METTL15: variants seen among roughly 807,000 people sequenced by gnomAD.
METTL15 encodes methyltransferase 15, mitochondrial 12S rRNA N4-cytidine.
Under a neutral mutation model 38.3 loss-of-function variants are expected in METTL15, and 34 were observed. The observed-to-expected ratio is 0.89, with a 90% CI of 0.68 to 1.18. The LOEUF (loss-of-function observed/expected upper bound fraction) is 1.18, where lower values mean the gene tolerates loss of function less well. METTL15 is among the 50% of genes most tolerant of loss of function. The pLI, the probability that METTL15 is intolerant of heterozygous loss-of-function variation, is 0.00. For missense variants in METTL15, 438 were observed against 498.4 expected (o/e 0.88, Z 1.15); for synonymous variants, 162 against 170.9 (o/e 0.95, Z 0.41).
At chr11:28,441,214 A>G (rs1851032156) in intron 6 of METTL15, among the ~76,000 whole-genome samples, 1 of 151,804 alleles carries the variant, frequency 6.6e-6, no homozygotes, top group South Asian at 2.1e-4. Flanking sequence ...CCTCCGGAGT[A>G]GCTGGGGCTA....
intron 4 of METTL15, among the ~76,000 whole-genome samples, chr11:28,269,399 A>T (rs568003855): frequency 6.6e-6 from 1 of 152,154 alleles, no homozygotes; most frequent in East Asian, 1.9e-4. Flanking sequence ...ATATTTAAAT[A>T]TAGGTTTATA....
intron 6 of METTL15, among the ~76,000 whole-genome samples, chr11:28,460,747 T>TTTTG (rs1382055473): frequency 4.1e-4 from 63 of 152,160 alleles, no homozygotes; most frequent in African/African-American, 1.5e-3. Flanking sequence ...AGTGAGGGGC[T>TTTTG]AAATATTTGA....
intron 5 of METTL15, among the ~76,000 whole-genome samples, chr11:28,405,901 A>G (rs1171677461): frequency 6.6e-6 from 1 of 152,166 alleles, no homozygotes; most frequent in African/African-American, 2.4e-5. Flanking sequence ...TTTGTTGAAG[A>G]AAGATCAGAT....
chr11:28,438,672 C>CTTT (rs1171439330), intron 6 of METTL15, among the ~76,000 whole-genome samples: 48 of 128,218 alleles, frequency 3.7e-4, no homozygotes, highest in African/African-American at 7.3e-4. Context: ...TTTCTTTTTT[C>CTTT]TTTTTTTTTT....
At chr11:28,139,938 T>C (rs1282516490) in intron 3 of METTL15, among the ~76,000 whole-genome samples, 1 of 138,776 alleles carries the variant, frequency 7.2e-6, no homozygotes, top group African/African-American at 2.7e-5. Flanking sequence ...TCCCTCCTTT[T>C]GCCTAGGCCA....
rs903675701 is a variant in METTL15, at chr11:28,217,655, T to A, written c.407+6457T>A. Among the ~76,000 whole-genome samples, 15 of 152,148 alleles carry A rather than the reference T, an allele frequency of 9.9e-5. No individual in the cohort carries two copies. The East Asian group carries it at 1.5e-3, about 16-fold the overall frequency. ...ACCCATGCCTATGTCCTGAATGGTA[T>A]TGCCTAGGTTTTCTTCTAGGGTTTT... On this transcript the variant is annotated intron_variant, in intron 4 of 6. Coordinates refer to ENST00000407364, the MANE Select transcript of METTL15 (RefSeq NM_001113528.2).
At chr11:28,273,317 A>C (rs1037020538) in intron 4 of METTL15, among the ~76,000 whole-genome samples, 2 of 152,174 alleles carry the variant, frequency 1.3e-5, no homozygotes, top group African/African-American at 4.8e-5. Flanking sequence ...TCTTTTGATT[A>C]TGTAATGGTA....
chr11:28,389,202 T>C (rs1455681638), intron 5 of METTL15, among the ~76,000 whole-genome samples: 2 of 148,388 alleles, frequency 1.3e-5, no homozygotes, highest in Admixed American at 6.9e-5. Context: ...TACCCAATAA[T>C]GGGATGGCTG....
chr11:28,174,803 A>C, intron 3 of METTL15, among the ~76,000 whole-genome samples: 1 of 134,800 alleles, frequency 7.4e-6, no homozygotes, highest in African/African-American at 2.7e-5. Context: ...TGACAGAGCG[A>C]GATTCTGTCT....
intron 6 of METTL15, among the ~76,000 whole-genome samples, chr11:28,303,577 T>C (rs1420051590): frequency 6.6e-6 from 1 of 152,164 alleles, no homozygotes; most frequent in African/African-American, 2.4e-5. Flanking sequence ...TTGTGATTCA[T>C]GTTGATTAAA....
chr11:28,148,420 C>T (rs1293159959), intron 3 of METTL15, among the ~76,000 whole-genome samples: 1 of 151,748 alleles, frequency 6.6e-6, no homozygotes, highest in African/African-American at 2.4e-5. Flanking sequence ...TTTCTTTCTT[C>T]ACTCCCTGGC....
intron 6 of METTL15, among the ~76,000 whole-genome samples, chr11:28,319,909 A>C (rs1849401001): frequency 6.6e-6 from 1 of 152,172 alleles, no homozygotes; most frequent in Admixed American, 6.5e-5. Flanking sequence ...TTGTGGACTG[A>C]AGTTTGGAAA....
intron 6 of METTL15, among the ~76,000 whole-genome samples, chr11:28,521,777 A>G (rs748901995): frequency 6.6e-6 from 1 of 152,096 alleles, no homozygotes; most frequent in East Asian, 1.9e-4. Flanking sequence ...AGTATAGGCC[A>G]TAGCTCTTCA....
At chr11:28,218,727 C>T (rs1383347449) in intron 4 of METTL15, among the ~76,000 whole-genome samples, 3 of 152,036 alleles carry the variant, frequency 2.0e-5, no homozygotes, top group Non-Finnish European at 2.9e-5. Context: ...TTTTGAGATA[C>T]GTCCCATCAA....
chr11:28,213,282 C>CA (rs769273113), intron 4 of METTL15, among the ~76,000 whole-genome samples: 40 of 150,956 alleles, frequency 2.6e-4, no homozygotes, highest in Non-Finnish European at 4.9e-4. Flanking sequence ...AAAGTATAAA[C>CA]AAAAAAAGAA....
At chr11:28,312,855 G>C (rs892267546) in intron 6 of METTL15, among the ~76,000 whole-genome samples, 8 of 152,062 alleles carry the variant, frequency 5.3e-5, no homozygotes, top group African/African-American at 1.9e-4. Flanking sequence ...CATTCATGAG[G>C]ACAGTCTCAT....
At chr11:28,369,327 A>G (rs1392954887) in intron 5 of METTL15, among the ~76,000 whole-genome samples, 1 of 152,054 alleles carries the variant, frequency 6.6e-6, no homozygotes, top group Admixed American at 6.6e-5. Context: ...GTGGACCAGT[A>G]TTGCATTACA....
intron 5 of METTL15, among the ~76,000 whole-genome samples, chr11:28,369,496 A>T (rs771361178): frequency 5.9e-5 from 9 of 152,140 alleles, no homozygotes; most frequent in African/African-American, 2.2e-4. Context: ...CACAAGATAC[A>T]TTATAATCAA....
At chr11:28,434,717 G>A (rs139014505) in intron 6 of METTL15, among the ~76,000 whole-genome samples, 6 of 152,194 alleles carry the variant, frequency 3.9e-5, no homozygotes, top group African/African-American at 1.2e-4. Flanking sequence ...TGGGTCTACT[G>A]TCTGGCTGAA....
Sources: allele counts gnomAD v4.1 joint callset (sites outside exome capture counted in the v4.1 genomes callset), GRCh38; gene constraint gnomAD v4.1.1; transcripts MANE v1.5; gene names NCBI Gene and HGNC (gene_info 2026-07-23, HGNC 2026-07-21).